Variants in AKAP13 observed in about 807,000 individuals in gnomAD.
AKAP13 encodes the protein A-kinase anchoring protein 13.
A neutral mutation model predicts 264.5 loss-of-function variants in AKAP13; 80 were observed. That is an observed-to-expected ratio of 0.30 (90% CI 0.25 to 0.36). The LOEUF (loss-of-function observed/expected upper bound fraction) is 0.36. Ranked by LOEUF, AKAP13 falls within the 10% of genes least tolerant of loss-of-function variation. The pLI, the probability that AKAP13 is intolerant of heterozygous loss-of-function variation, is 1.00. For synonymous variants in AKAP13, 1,380 were observed against 1,250.2 expected, an observed-to-expected ratio of 1.10 and a Z score of -2.19; for missense variants, 3,712 against 3,435.2, an observed-to-expected ratio of 1.08 and a Z score of -2.01.
chr15:85,592,778 AC>A (rs2151335166), intron 8 of AKAP13, among the ~76,000 whole-genome samples: 1 of 152,322 alleles, frequency 6.6e-6, no homozygotes, highest in South Asian at 2.1e-4. Context: ...AATTTTTAAT[AC>A]AATTGTGGAA....
chr15:85,666,787 G>C (rs2083629379), intron 13 of AKAP13, among the ~76,000 whole-genome samples: 1 of 152,160 alleles, frequency 6.6e-6, no homozygotes, highest in Non-Finnish European at 1.5e-5. Context: ...CTCCTGTCTT[G>C]AAGGTCATGG....
chr15:85,406,553 A>AT (rs1227396550), intron 1 of AKAP13, among the ~76,000 whole-genome samples: 2 of 150,672 alleles, frequency 1.3e-5, no homozygotes, highest in East Asian at 1.9e-4. Flanking sequence ...ATTGGGGAGA[A>AT]TTTTTTTTCT....
Position 85,533,393 on chromosome 15 carries a change from A to G in AKAP13, c.182-191A>G, listed in dbSNP as rs953347562. Among the ~76,000 whole-genome samples, 4 of 152,210 alleles carry G rather than the reference A, an allele frequency of 2.6e-5. No homozygotes were observed. The East Asian group carries it at 5.8e-4, about 22-fold the overall frequency. ...TTGTTAAGGGAATTCATATTTGCAA[A>G]TAATGTTAAAAGCTGAAAATGGAGT... On this transcript the variant is annotated intron_variant, in intron 3 of 36. Coordinates refer to ENST00000394518, the MANE Select transcript of AKAP13 (RefSeq NM_007200.5).
At chr15:85,666,605 G>A (rs1344801632) in intron 13 of AKAP13, among the ~76,000 whole-genome samples, 1 of 152,170 alleles carries the variant, frequency 6.6e-6, no homozygotes, top group Non-Finnish European at 1.5e-5. Flanking sequence ...CTGGAGTGCA[G>A]TGGTGCCATC....
intron 8 of AKAP13, chr15:85,619,291 G>T: frequency 1.1e-6 from 1 of 889,656 alleles, no homozygotes; most frequent in Non-Finnish European, 1.3e-6. Context: ...AGCTGAAAGG[G>T]CAAGCAGTGA....
chr15:85,499,174 G>A (rs1250774591), intron 2 of AKAP13, among the ~76,000 whole-genome samples: 3 of 152,126 alleles, frequency 2.0e-5, no homozygotes, highest in Non-Finnish European at 4.4e-5. Flanking sequence ...TTATCACTGC[G>A]TTATTGACTC....
At chr15:85,691,166 C>T (rs959955333) in intron 16 of AKAP13, among the ~76,000 whole-genome samples, 2 of 152,164 alleles carry the variant, frequency 1.3e-5, no homozygotes, top group Non-Finnish European at 2.9e-5. Flanking sequence ...TGACTTGGGA[C>T]ACCCATTTTC....
In AKAP13 at chr15:85,733,471, A is replaced by G. The variant is rs142277216; in HGVS notation, c.7283-1521A>G. On this transcript the variant is annotated intron_variant, in intron 30 of 36. Coordinates refer to ENST00000394518, the MANE Select transcript of AKAP13 (RefSeq NM_007200.5). ...CCTAGGTTGATGCTGTCAGGTTCACAGTGTTCTGTTTTCATATGTGGTTTC... is the reference window on the plus strand; with the variant it reads ...CCTAGGTTGATGCTGTCAGGTTCACGGTGTTCTGTTTTCATATGTGGTTTC... Among the ~76,000 whole-genome samples, 400 of 152,308 alleles carry G rather than the reference A, an allele frequency of 2.6e-3. 1 individual carries two copies. The highest frequency in any genetic ancestry group is 5.1e-3 in the Non-Finnish European group (347 of 68,028).
intron 26 of AKAP13, 67 bp downstream of exon 26, chr15:85,723,387 G>T (rs1192319363): frequency 1.7e-5 from 26 of 1,571,742 alleles, no homozygotes; most frequent in Non-Finnish European, 1.2e-5. Flanking sequence ...AAGTGCTTTT[G>T]TTGGAAATTC....
intron 8 of AKAP13, among the ~76,000 whole-genome samples, chr15:85,605,805 T>C (rs1165270702): frequency 1.3e-5 from 2 of 152,204 alleles, no homozygotes; most frequent in Non-Finnish European, 2.9e-5. Flanking sequence ...CTTATCAAGT[T>C]GTGTACTTTA....
chr15:85,649,336 G>A (rs2082698399), intron 10 of AKAP13, among the ~76,000 whole-genome samples: 1 of 152,134 alleles, frequency 6.6e-6, no homozygotes, highest in African/African-American at 2.4e-5. Flanking sequence ...CCCCAAACCT[G>A]CTCTAATAGC....
At chr15:85,612,442 C>CTTGTATATATACCAACTATTT (rs2080684845) in intron 8 of AKAP13, among the ~76,000 whole-genome samples, 2 of 152,006 alleles carry the variant, frequency 1.3e-5, no homozygotes, top group African/African-American at 4.8e-5. Context: ...GCATTTTGCA[C>CTTGTATATATACCAACTATTT]TTGTATATAT....
In AKAP13 at chr15:85,744,852, G is replaced by T. The variant is rs191644914; in HGVS notation, c.*175G>T. ...CAACAGATGATATTGAGTGTCGGGT[G>T]GGGAAGGAGGCCCAGACTCTGCTTC... On this transcript the variant is annotated 3_prime_UTR_variant, in exon 37 of 37. Transcript: ENST00000394518. 1,853 of 553,332 alleles carry T rather than the reference G, an allele frequency of 3.3e-3. 16 individuals are homozygous for T. Among genetic ancestry groups the T allele is most frequent in the Non-Finnish European group, 2.0e-3 (658 of 321,580 alleles). The allele number at this position is 553,332 out of a possible 1,614,324, so 34.3% of individuals were successfully genotyped here.
At chr15:85,692,473 G>A (rs1289021149) in intron 16 of AKAP13, among the ~76,000 whole-genome samples, 1 of 150,750 alleles carries the variant, frequency 6.6e-6, no homozygotes, top group Non-Finnish European at 1.5e-5. Flanking sequence ...CTATTACTGA[G>A]TAGTAGTAGT....
chr15:85,510,657 A>G (rs1374785222), intron 2 of AKAP13, among the ~76,000 whole-genome samples: 1 of 152,252 alleles, frequency 6.6e-6, no homozygotes, highest in Non-Finnish European at 1.5e-5. Flanking sequence ...ATTATCACAG[A>G]TGAACAATTA....
In AKAP13 at chr15:85,646,021, C is replaced by T. The variant is rs1027358527; in HGVS notation, c.4374+67C>T. ...TGTGTTCCTATTTGGGCTTCCCAAA[C>T]TCTTTTCCAACTTTTTCCCCCTCTT... On this transcript the variant is annotated intron_variant, in intron 10 of 36. Coordinates refer to ENST00000394518, the MANE Select transcript of AKAP13 (RefSeq NM_007200.5). 1.9e-6 allele frequency: 3 copies of T among 1,564,216 alleles called. No individual in the cohort carries two copies. In the African/African-American group the frequency reaches 4.1e-5, roughly 22 times the overall value.
chr15:85,569,865 C>T (rs1260920245), intron 5 of AKAP13, among the ~76,000 whole-genome samples: 1 of 151,180 alleles, frequency 6.6e-6, no homozygotes, highest in African/African-American at 2.4e-5. Flanking sequence ...ATCACAAGGT[C>T]AGGAGATCAA....
chr15:85,661,584 G>A (rs895179758), intron 12 of AKAP13, among the ~76,000 whole-genome samples: 1 of 152,052 alleles, frequency 6.6e-6, no homozygotes, highest in African/African-American at 2.4e-5. Context: ...AGCTGGGTGT[G>A]GTGGTGCACA....
chr15:85,486,066 A>C (rs1177892624), intron 2 of AKAP13, among the ~76,000 whole-genome samples: 1 of 152,256 alleles, frequency 6.6e-6, no homozygotes, highest in East Asian at 1.9e-4. Context: ...CCTGCAGTGC[A>C]TTCCTGTAAA....
Sources: gnomAD v4.1 joint callset for allele counts (sites outside exome capture counted in the v4.1 genomes callset) on GRCh38, gnomAD v4.1.1 for gene constraint, MANE v1.5 for transcripts, NCBI Gene and HGNC (gene_info 2026-07-23, HGNC 2026-07-21) for gene names.